HTR1F: variants seen among roughly 807,000 people sequenced by gnomAD.
The protein encoded by HTR1F is 5-hydroxytryptamine receptor 1F, also known as 5-hydroxytryptamine (serotonin) receptor 1F, G protein-coupled.
HTR1F carries 17 observed loss-of-function variants against 24.0 expected under a neutral mutation model. The observed-to-expected ratio is 0.71, with a 90% CI of 0.48 to 1.06. HTR1F has a LOEUF of 1.06. Ranked by LOEUF, HTR1F falls within the 50% of genes least tolerant of loss-of-function variation. The pLI is 0.00. For missense variants in HTR1F, 391 were observed against 427.8 expected (o/e 0.91, Z 0.76); for synonymous variants, 186 against 156.8 (o/e 1.19, Z -1.39).
At chr3:87,831,854 T>C (rs1704587470) in intron 2 of HTR1F, among the ~76,000 whole-genome samples, 1 of 152,176 alleles carries the variant, frequency 6.6e-6, no homozygotes, top group East Asian at 1.9e-4. Context: ...CTTTGACACA[T>C]GTTTATTTTA....
At chr3:87,851,142 G>C (rs1032888578) in intron 2 of HTR1F, among the ~76,000 whole-genome samples, 2 of 151,574 alleles carry the variant, frequency 1.3e-5, no homozygotes, top group Admixed American at 1.3e-4. Context: ...TTTCTTCTGG[G>C]TGCTACAAAA....
intron 2 of HTR1F, among the ~76,000 whole-genome samples, chr3:87,841,961 T>G (rs1221725055): frequency 2.0e-5 from 3 of 151,166 alleles, no homozygotes; most frequent in Admixed American, 2.0e-4. Flanking sequence ...AAATTTCGTC[T>G]TTTGAAGATT....
At chr3:87,911,547 T>C (rs952798903) in intron 2 of HTR1F, among the ~76,000 whole-genome samples, 5 of 152,070 alleles carry the variant, frequency 3.3e-5, no homozygotes, top group African/African-American at 1.2e-4. Context: ...ACATTTCTAC[T>C]GAAACTATTT....
chr3:87,976,996 T>C (rs1705409042), intron 2 of HTR1F, among the ~76,000 whole-genome samples: 1 of 152,212 alleles, frequency 6.6e-6, no homozygotes, highest in Non-Finnish European at 1.5e-5. Flanking sequence ...CATCTCTAGC[T>C]TGCTAACATA....
At chr3:87,963,231 A>C (rs1230754765) in intron 2 of HTR1F, among the ~76,000 whole-genome samples, 1 of 152,050 alleles carries the variant, frequency 6.6e-6, no homozygotes, top group Non-Finnish European at 1.5e-5. Flanking sequence ...CACAGTTGAT[A>C]ATTTAATGTA....
intron 2 of HTR1F, among the ~76,000 whole-genome samples, chr3:87,963,255 T>G (rs762200594): frequency 6.6e-6 from 1 of 152,078 alleles, no homozygotes; most frequent in Non-Finnish European, 1.5e-5. Context: ...GCCAAATCTA[T>G]CCTAAGAATA....
In HTR1F at chr3:87,886,025, G is replaced by A. The variant is rs191402244; in HGVS notation, c.-43+63901G>A. Among the ~76,000 whole-genome samples, 6 of 152,238 alleles carry A rather than the reference G, an allele frequency of 3.9e-5. No individual in the cohort carries two copies. The East Asian group carries it at 9.7e-4, about 25-fold the overall frequency. ...ATCATCCTGATACCAAGGCCTGGCA[G>A]AGACACGACAAAAAAAGACAATTTT... is the stretch of plus-strand genomic sequence containing the variant. On this transcript the variant is annotated intron_variant, in intron 2 of 2. Coordinates refer to ENST00000319595, the MANE Select transcript of HTR1F (RefSeq NM_001322209.2).
At chr3:87,934,263 A>G (rs6807414) in intron 2 of HTR1F, among the ~76,000 whole-genome samples, 66,659 of 151,984 alleles carry the variant, frequency 0.44, 15,613 homozygotes, top group African/African-American at 0.61. Context: ...AACACATGCT[A>G]AGAGTTTAAC....
At chr3:87,848,506 G>C (rs1329596163) in intron 2 of HTR1F, among the ~76,000 whole-genome samples, 3 of 151,598 alleles carry the variant, frequency 2.0e-5, no homozygotes, top group Non-Finnish European at 4.4e-5. Flanking sequence ...AGCTTTTTAG[G>C]TTATTGAGCT....
At chr3:87,925,624 G>C (rs890743131) in intron 2 of HTR1F, among the ~76,000 whole-genome samples, 2 of 152,178 alleles carry the variant, frequency 1.3e-5, no homozygotes, top group African/African-American at 4.8e-5. Flanking sequence ...TCATGCCATA[G>C]TAGTTTGCAT....
chr3:87,902,587 G>A (rs1425350426), intron 2 of HTR1F, among the ~76,000 whole-genome samples: 1 of 151,816 alleles, frequency 6.6e-6, no homozygotes, highest in African/African-American at 2.4e-5. Context: ...TTGTTTGTTT[G>A]TTTCTTTTTT....
chr3:87,962,099 GA>G (rs1392804410), intron 2 of HTR1F, among the ~76,000 whole-genome samples: 2 of 151,852 alleles, frequency 1.3e-5, no homozygotes, highest in Admixed American at 6.6e-5. Context: ...CAAAAATAAA[GA>G]TTTTTTTTAG....
chr3:87,898,460 T>C (rs1435667734), intron 2 of HTR1F, among the ~76,000 whole-genome samples: 2 of 152,176 alleles, frequency 1.3e-5, no homozygotes, highest in African/African-American at 4.8e-5. Context: ...AATTGGCATA[T>C]GTCATAAAAC....
At chr3:87,898,126 G>A (rs1706243043) in intron 2 of HTR1F, among the ~76,000 whole-genome samples, 1 of 152,072 alleles carries the variant, frequency 6.6e-6, no homozygotes, top group African/African-American at 2.4e-5. Context: ...AAGACAGAGT[G>A]GAAATCCCCT....
intron 2 of HTR1F, among the ~76,000 whole-genome samples, chr3:87,949,597 C>G (rs1704789144): frequency 6.6e-6 from 1 of 152,274 alleles, no homozygotes; most frequent in South Asian, 2.1e-4. Flanking sequence ...GGATGGCTGA[C>G]AGTCTTTTTG....
chr3:87,953,139 A>G (rs1704870635), intron 2 of HTR1F, among the ~76,000 whole-genome samples: 1 of 151,766 alleles, frequency 6.6e-6, no homozygotes, highest in Admixed American at 6.6e-5. Context: ...ACATTAGTCT[A>G]AGCAAATATA....
intron 2 of HTR1F, among the ~76,000 whole-genome samples, chr3:87,978,890 G>GAGGAAGGAAGGAAGGA (rs1184108024): frequency 2.4e-4 from 11 of 46,184 alleles, no homozygotes; most frequent in African/African-American, 9.0e-4. Context: ...GGGAGGGAGG[G>GAGGAAGGAAGGAAGGA]AGGAAGGAAG....
At chr3:87,883,918 C>G (rs1461429452) in intron 2 of HTR1F, among the ~76,000 whole-genome samples, 1 of 152,164 alleles carries the variant, frequency 6.6e-6, no homozygotes, top group Non-Finnish European at 1.5e-5. Context: ...GGAAAACACT[C>G]TTCAGGATAT....
chr3:87,976,159 T>C lies in HTR1F; in HGVS notation c.-42-14549T>C, dbSNP rs552712211. Among the ~76,000 whole-genome samples, 8 of 152,308 alleles carry C rather than the reference T, an allele frequency of 5.3e-5. No homozygotes were observed. The South Asian group carries it at 1.4e-3, about 28-fold the overall frequency. ...ATTAAAGATTAAAAAAGAGAATGAATACTTTTAATTTAACATATTTACAAA... is the reference window on the plus strand; with the variant it reads ...ATTAAAGATTAAAAAAGAGAATGAACACTTTTAATTTAACATATTTACAAA... On this transcript the variant is annotated intron_variant, in intron 2 of 2. Transcript: ENST00000319595.
Sources: gnomAD v4.1 joint callset for allele counts (sites outside exome capture counted in the v4.1 genomes callset) on GRCh38, gnomAD v4.1.1 for gene constraint, MANE v1.5 for transcripts, NCBI Gene and HGNC (gene_info 2026-07-23, HGNC 2026-07-21) for gene names.